CABLES1: variants seen among roughly 807,000 people sequenced by gnomAD.
CABLES1 encodes Cdk5 and Abl enzyme substrate 1, also known as CDK5 and ABL1 enzyme substrate 1.
A neutral mutation model predicts 57.8 loss-of-function variants in CABLES1; 36 were observed. The observed-to-expected ratio is 0.62, with a 90% CI of 0.48 to 0.82. The LOEUF is 0.82. CABLES1 is among the 40% of genes least tolerant of loss of function. The pLI, the probability that CABLES1 is intolerant of heterozygous loss-of-function variation, is 0.00. For synonymous variants in CABLES1, 374 were observed against 363.0 expected (o/e 1.03, Z -0.35); for missense variants, 767 against 836.6 (o/e 0.92, Z 1.03).
At chr18:23,176,727 C>A (rs559909471) in intron 1 of CABLES1, among the ~76,000 whole-genome samples, 1 of 152,286 alleles carries the variant, frequency 6.6e-6, no homozygotes, top group Non-Finnish European at 1.5e-5. Flanking sequence ...ACCTGAAAAA[C>A]TCCTAGAAAA....
At chr18:23,164,664 T>A (rs2047028854) in intron 1 of CABLES1, among the ~76,000 whole-genome samples, 1 of 152,098 alleles carries the variant, frequency 6.6e-6, no homozygotes, top group Non-Finnish European at 1.5e-5. Flanking sequence ...AAGCTTTTTT[T>A]TTTTTTGCAG....
At chr18:23,245,191 A>C (rs537616450) in intron 7 of CABLES1, among the ~76,000 whole-genome samples, 5 of 152,246 alleles carry the variant, frequency 3.3e-5, no homozygotes, top group African/African-American at 9.6e-5. Context: ...TCTCATGACA[A>C]GTCAAGACTT....
At chr18:23,145,751 T>G (rs1161127082) in intron 1 of CABLES1, among the ~76,000 whole-genome samples, 1 of 152,262 alleles carries the variant, frequency 6.6e-6, no homozygotes, top group Non-Finnish European at 1.5e-5. Context: ...GTATAATTAA[T>G]TGGAGTTTGC....
intron 1 of CABLES1, among the ~76,000 whole-genome samples, chr18:23,178,132 C>G (rs111986396): frequency 0.014 from 2,108 of 152,266 alleles, 27 homozygotes; most frequent in South Asian, 0.023. Context: ...TTCCCCACCC[C>G]CTCCATGAGT....
chr18:23,166,966 G>A (rs1367472557), intron 1 of CABLES1, among the ~76,000 whole-genome samples: 1 of 152,104 alleles, frequency 6.6e-6, no homozygotes, highest in South Asian at 2.1e-4. Flanking sequence ...AGGAAGGGTG[G>A]CATTTCCCCC....
intron 1 of CABLES1, among the ~76,000 whole-genome samples, chr18:23,147,937 A>G (rs2046902785): frequency 6.9e-6 from 1 of 145,628 alleles, no homozygotes; most frequent in African/African-American, 2.5e-5. Context: ...TATCAGAGCT[A>G]TAGCCCTCAT....
chr18:23,256,598 A>G (rs568981544), intron 9 of CABLES1, among the ~76,000 whole-genome samples: 1 of 152,064 alleles, frequency 6.6e-6, no homozygotes, highest in Admixed American at 6.5e-5. Context: ...CTCCTGCTTC[A>G]ACCTCCCGAG....
At chr18:23,171,963 C>T (rs1458612011) in intron 1 of CABLES1, among the ~76,000 whole-genome samples, 1 of 152,188 alleles carries the variant, frequency 6.6e-6, no homozygotes, top group Non-Finnish European at 1.5e-5. Flanking sequence ...GAGTCTCACC[C>T]AGGCTGAGGT....
intron 7 of CABLES1, among the ~76,000 whole-genome samples, chr18:23,249,560 T>C (rs73966103): frequency 0.021 from 3,160 of 152,330 alleles, 112 homozygotes; most frequent in African/African-American, 0.073. Flanking sequence ...CTGCGTCTCC[T>C]GCTTTGTGCT....
intron 7 of CABLES1, among the ~76,000 whole-genome samples, chr18:23,242,181 G>C (rs1163059758): frequency 6.6e-6 from 1 of 152,200 alleles, no homozygotes; most frequent in Non-Finnish European, 1.5e-5. Context: ...AGGAGGCTGA[G>C]GCAGGAGAAT....
At chr18:23,213,472 TTCCC>T (rs1383276903) in intron 3 of CABLES1, among the ~76,000 whole-genome samples, 1 of 152,218 alleles carries the variant, frequency 6.6e-6, no homozygotes, top group Non-Finnish European at 1.5e-5. Flanking sequence ...TATGTAATTG[TTCCC>T]TTAATCTATT....
chr18:23,136,626 A>C lies in CABLES1; in HGVS notation c.845+19A>C. 1 of 1,346,544 alleles carries C rather than the reference A, an allele frequency of 7.4e-7. No homozygotes were observed. The highest frequency in any genetic ancestry group is 9.7e-7 in the Non-Finnish European group (1 of 1,036,096). The allele number at this position is 1,346,544 out of a possible 1,614,324, so 83.4% of individuals were successfully genotyped here. ...GGTCCCGGTGAGTATCCGGGATGCG[A>C]CGCGCACCCAACCCTGCGTCCCGCC... On this transcript the variant is annotated intron_variant, in intron 1 of 9. Transcript: ENST00000256925.
chr18:23,246,480 C>CT (rs1219667376), intron 7 of CABLES1, among the ~76,000 whole-genome samples: 1 of 152,040 alleles, frequency 6.6e-6, no homozygotes, highest in Non-Finnish European at 1.5e-5. Context: ...CAAGCTCCGC[C>CT]TCCCGGGTTC....
At chr18:23,157,785 T>G (rs1347282370) in intron 1 of CABLES1, among the ~76,000 whole-genome samples, 1 of 152,172 alleles carries the variant, frequency 6.6e-6, no homozygotes, top group African/African-American at 2.4e-5. Context: ...GGAGGATCAC[T>G]GTACTCCAAC....
intron 3 of CABLES1, among the ~76,000 whole-genome samples, chr18:23,209,418 G>C (rs1275193680): frequency 6.6e-6 from 1 of 152,136 alleles, no homozygotes; most frequent in Non-Finnish European, 1.5e-5. Context: ...ATGTCATTTG[G>C]GGAGCACAGT....
chr18:23,252,878 G>T (rs1016424209), intron 7 of CABLES1, 82 bp from the exon 8 acceptor site: 6 of 886,290 alleles, frequency 6.8e-6, no homozygotes, highest in East Asian at 2.5e-5. Flanking sequence ...TTTGGGAGTT[G>T]TAAGTTGGTC....
intron 1 of CABLES1, among the ~76,000 whole-genome samples, chr18:23,150,672 C>T (rs1360154342): frequency 6.6e-6 from 1 of 152,082 alleles, no homozygotes; most frequent in East Asian, 1.9e-4. Context: ...GCAACCAAAC[C>T]AACTATAAGT....
At position 23,237,201 on chromosome 18, in the gene CABLES1, C is replaced by G; in HGVS notation, c.1402C>G (p.Pro468Ala). The stretch of plus-strand genomic sequence containing the variant: ...AAATCTCTTGGATGACCCCCAGTGG[C>G]CTTGTGGCAAACACAAACGCGTTCT... ...DPNLLDDPQWPCGKHKRVLIF... is the reference protein window; with the variant it reads ...DPNLLDDPQWACGKHKRVLIF... Residue 468 changes from proline (P) to alanine (A), a missense_variant, in exon 7 of 10, where the codon CCT becomes GCT. Around this residue, in one of 4 missense-constraint regions of CABLES1, gnomAD observed 529 missense variants for 622.8 expected, o/e 0.85. Coordinates refer to ENST00000256925, the MANE Select transcript of CABLES1 (RefSeq NM_001100619.3). The G allele has an allele frequency of 6.2e-7, 1 of 1,613,862 alleles. No homozygotes were observed. Among genetic ancestry groups the G allele is most frequent in the Admixed American group, 1.7e-5 (1 of 60,030 alleles).
intron 1 of CABLES1, among the ~76,000 whole-genome samples, chr18:23,143,120 G>A (rs1331898559): frequency 6.6e-6 from 1 of 152,114 alleles, no homozygotes; most frequent in Non-Finnish European, 1.5e-5. Flanking sequence ...TGACCTAAAT[G>A]GCCTCAAGGG....
Sources: gnomAD v4.1 joint callset for allele counts (sites outside exome capture counted in the v4.1 genomes callset) on GRCh38, gnomAD v4.1.1 for gene constraint, gnomAD v4.1.1 regional missense constraint, MANE v1.5 for transcripts, NCBI Gene and HGNC (gene_info 2026-07-23, HGNC 2026-07-21) for gene names.